Variants in LINC00305 observed in about 807,000 individuals in gnomAD.
The protein encoded by LINC00305 is long intergenic non-protein coding RNA 305.
At chr18:64,087,784 T>C (rs2144893137) in intron 3 of LINC00305, among the ~76,000 whole-genome samples, 1 of 152,188 alleles carries the variant, frequency 6.6e-6, no homozygotes, top group Middle Eastern at 3.4e-3. Flanking sequence ...TGCTAACCAT[T>C]ACTCAATAGA....
At chr18:64,135,876 G>T (rs1027536705) in intron 1 of LINC00305, among the ~76,000 whole-genome samples, 16 of 152,172 alleles carry the variant, frequency 1.1e-4, no homozygotes, top group African/African-American at 3.9e-4. Flanking sequence ...ACTGTGCCTG[G>T]CCTATTTTCT....
At chr18:64,143,669 T>A (rs117933121) in intron 1 of LINC00305, among the ~76,000 whole-genome samples, 1 of 129,312 alleles carries the variant, frequency 7.7e-6, no homozygotes, top group South Asian at 2.3e-4. Context: ...ACGTATTATG[T>A]ATACATATGT....
chr18:64,087,793 G>T (rs991489462), intron 3 of LINC00305, among the ~76,000 whole-genome samples: 1 of 152,104 alleles, frequency 6.6e-6, no homozygotes, highest in African/African-American at 2.4e-5. Context: ...TTACTCAATA[G>T]AAATTCAGAG....
chr18:64,088,606 A>G (rs75024684), intron 3 of LINC00305, among the ~76,000 whole-genome samples: 11,204 of 152,332 alleles, frequency 0.074, 559 homozygotes, highest in Non-Finnish European at 0.11. Context: ...CTAAAATACC[A>G]TATTGTAATC....
At chr18:64,098,448 T>A (rs1234667710) in intron 2 of LINC00305, 1 of 377,238 alleles carries the variant, frequency 2.7e-6, no homozygotes, top group Admixed American at 3.8e-5. Flanking sequence ...GTAGAAAATT[T>A]GAAGTGAGTT....
chr18:64,112,957 T>G (rs2051321617), intron 1 of LINC00305, among the ~76,000 whole-genome samples: 1 of 152,244 alleles, frequency 6.6e-6, no homozygotes, highest in Admixed American at 6.5e-5. Context: ...ATCCTGAGCC[T>G]TCTACTGAGA....
chr18:64,086,604 T>G (rs1467462849), intron 3 of LINC00305, among the ~76,000 whole-genome samples: 1 of 152,224 alleles, frequency 6.6e-6, no homozygotes, highest in Non-Finnish European at 1.5e-5. Context: ...TGTCCTCTAT[T>G]GAGAGTGTGC....
intron 1 of LINC00305, chr18:64,139,303 A>AC (rs1481569589): frequency 6.6e-6 from 1 of 152,210 alleles, no homozygotes; most frequent in Non-Finnish European, 1.5e-5. Flanking sequence ...ATAATTAAGG[A>AC]CAAAGTGATG....
Position 64,130,575 on chromosome 18 carries a change from C to T in LINC00305, n.314+18200G>A, listed in dbSNP as rs1001088005. ...TTACTTACCTTATGCATTAAAAGATCGATAAGTAAACTTTTTTTACATAAT... is the reference window on the plus strand; with the variant it reads ...TTACTTACCTTATGCATTAAAAGATTGATAAGTAAACTTTTTTTACATAAT... On this transcript the variant is annotated intron_variant and non_coding_transcript_variant, in intron 1 of 3. Transcript: ENST00000666468. Among the ~76,000 whole-genome samples the T allele has an allele frequency of 6.6e-5, 10 of 151,850 alleles. No homozygotes were observed. In the East Asian group the frequency reaches 9.6e-4, roughly 15 times the overall value.
At chr18:64,106,438 C>T (rs2051291088) in intron 1 of LINC00305, among the ~76,000 whole-genome samples, 1 of 152,108 alleles carries the variant, frequency 6.6e-6, no homozygotes, top group African/African-American at 2.4e-5. Context: ...TATTTTGTCA[C>T]CACCTAGAAG....
intron 1 of LINC00305, among the ~76,000 whole-genome samples, chr18:64,119,679 G>A (rs1292790795): frequency 2.0e-5 from 3 of 152,068 alleles, no homozygotes; most frequent in Non-Finnish European, 4.4e-5. Flanking sequence ...GGAATGGGAG[G>A]AGAAGTACCT....
intron 1 of LINC00305, among the ~76,000 whole-genome samples, chr18:64,123,975 C>T (rs1004382100): frequency 2.6e-5 from 4 of 152,110 alleles, no homozygotes; most frequent in African/African-American, 9.7e-5. Flanking sequence ...TGGCTCCCTT[C>T]TGCTTTTGGA....
At chr18:64,125,878 T>G (rs1221493984) in intron 1 of LINC00305, among the ~76,000 whole-genome samples, 1 of 152,036 alleles carries the variant, frequency 6.6e-6, no homozygotes, top group Non-Finnish European at 1.5e-5. Context: ...AAGGGAGAGT[T>G]TGGTTCTTTT....
intron 3 of LINC00305, among the ~76,000 whole-genome samples, chr18:64,090,240 A>G (rs1385592535): frequency 6.6e-6 from 1 of 152,236 alleles, no homozygotes; most frequent in Non-Finnish European, 1.5e-5. Flanking sequence ...TGGCTACAAT[A>G]GACACTAGAG....
At chr18:64,099,506 G>A (rs2051259974) in intron 1 of LINC00305, among the ~76,000 whole-genome samples, 1 of 152,176 alleles carries the variant, frequency 6.6e-6, no homozygotes, top group South Asian at 2.1e-4. Flanking sequence ...AAGAGGCACC[G>A]ACAGTGATAT....
At chr18:64,145,724 A>G (rs1201839387) in intron 1 of LINC00305, among the ~76,000 whole-genome samples, 1 of 152,190 alleles carries the variant, frequency 6.6e-6, no homozygotes, top group Non-Finnish European at 1.5e-5. Flanking sequence ...CCAGAACTGT[A>G]CATTATCAAA....
chr18:64,116,993 G>C (rs765881768), intron 1 of LINC00305, among the ~76,000 whole-genome samples: 116 of 152,164 alleles, frequency 7.6e-4, no homozygotes, highest in Non-Finnish European at 1.4e-3. Flanking sequence ...ACCTGTGTTT[G>C]CATAACAATG....
At chr18:64,109,476 T>C (rs573005667) in intron 1 of LINC00305, among the ~76,000 whole-genome samples, 3 of 152,348 alleles carry the variant, frequency 2.0e-5, no homozygotes, top group East Asian at 3.9e-4. Flanking sequence ...ATAAAGCATG[T>C]GAATACTTGA....
intron 1 of LINC00305, among the ~76,000 whole-genome samples, chr18:64,148,242 T>C (rs965563940): frequency 6.6e-6 from 1 of 152,032 alleles, no homozygotes; most frequent in Admixed American, 6.6e-5. Context: ...TGTCTCTCTC[T>C]CTCTCTCTTT....
Sources: allele counts gnomAD v4.1 joint callset (sites outside exome capture counted in the v4.1 genomes callset), GRCh38; gene constraint gnomAD v4.1.1; transcripts MANE v1.5; gene names NCBI Gene and HGNC (gene_info 2026-07-23, HGNC 2026-07-21).